Variants in PLCH2 observed in about 807,000 individuals in gnomAD.
The protein encoded by PLCH2 is phospholipase C eta 2.
PLCH2 carries 98 observed loss-of-function variants against 134.7 expected under a neutral mutation model. The ratio of observed to expected loss-of-function variants is 0.73; its 90% CI spans 0.62 to 0.86. The LOEUF is 0.86. Ranked by LOEUF, PLCH2 falls within the 40% of genes least tolerant of loss-of-function variation. PLCH2 has a pLI of 0.00. For missense variants in PLCH2, 1,994 were observed against 1,986.6 expected (o/e 1.00, Z -0.07); for synonymous variants, 974 against 827.5 (o/e 1.18, Z -3.04).
Position 2,477,901 on chromosome 1 carries a change from G to C in PLCH2, c.125-575G>C, listed in dbSNP as rs144283296. 6.6e-3 allele frequency among the ~76,000 whole-genome samples: 1,007 copies of C among 152,318 alleles called. 2 individuals are homozygous for C. Among genetic ancestry groups the C allele is most frequent in the Non-Finnish European group, 7.9e-3 (539 of 68,012 alleles). ...GGCACAGGCACTCAGGAATTCGACC[G>C]CTCCCAGGAGCCACCTGTGGCCAGG... On this transcript the variant is annotated intron_variant, in intron 1 of 21. Coordinates refer to ENST00000378486, the MANE Select transcript of PLCH2 (RefSeq NM_014638.4).
chr1:2,434,410 G>C (rs902593673), intron 2 of PLCH2, among the ~76,000 whole-genome samples: 1 of 152,240 alleles, frequency 6.6e-6, no homozygotes, highest in Non-Finnish European at 1.5e-5. Flanking sequence ...TGGCAGGGGC[G>C]TATTTCCCCC....
In PLCH2 at chr1:2,504,336, C is replaced by T. The variant is rs751882251; in HGVS notation, c.3374C>T (p.Thr1125Met). Residue 1125 changes from threonine (T) to methionine (M), a missense_variant, in exon 22 of 22, where the codon ACG (threonine) becomes ATG (methionine). This residue lies in a region of PLCH2 where 900 missense variants were observed against 752.3 expected (regional missense o/e 1.20). Transcript: ENST00000378486. Reference protein sequence around the residue: ...FPAPAVYSDATGSDPLWQRLE... With the variant: ...FPAPAVYSDAMGSDPLWQRLE... ...GCTCCTGCCGTGTACTCCGATGCCA[C>T]GGGCAGTGACCCGCTGTGGCAGCGG... The T allele has an allele frequency of 5.6e-6, 9 of 1,610,534 alleles. No individual in the cohort carries two copies. The highest frequency in any genetic ancestry group is 2.2e-5 in the East Asian group (1 of 44,864).
upstream of PLCH2, among the ~76,000 whole-genome samples, chr1:2,471,984 C>T (rs1641346889): frequency 6.6e-6 from 1 of 152,182 alleles, no homozygotes; most frequent in South Asian, 2.1e-4. Flanking sequence ...CTGCGGTGCC[C>T]TCCAGGTGTG....
At chr1:2,496,493 G>C (rs759010196) in intron 13 of PLCH2, 114 bp from the exon 14 acceptor site, 7 of 845,932 alleles carry the variant, frequency 8.3e-6, no homozygotes, top group Non-Finnish European at 9.6e-6. Context: ...CTGATGGTTC[G>C]GGGCCTGCTG....
Position 2,504,264 on chromosome 1 carries a change from C to G in PLCH2, c.3302C>G (p.Pro1101Arg). Residue 1101 changes from proline to arginine, a missense_variant, in exon 22 of 22, where the codon CCC (proline) becomes CGC (arginine). Around this residue, in one of 2 missense-constraint regions of PLCH2, gnomAD observed 900 missense variants for 752.3 expected, o/e 1.20. Transcript: ENST00000378486. ...AGGGTGAAGAGTGAGGGGCAGGTGC[C>G]CACGGAGCCCCTGGGAGGGTGGCGG... ...IRRVKSEGQV[P>R]TEPLGGWRPL... 1 of 1,592,384 alleles carries G rather than the reference C, an allele frequency of 6.3e-7. No homozygotes were observed. The highest frequency in any genetic ancestry group is 8.5e-7 in the Non-Finnish European group (1 of 1,171,370).
At position 2,484,332 on chromosome 1, in the gene PLCH2, G is replaced by A. The variant is rs1037636574; in HGVS notation, c.646-116G>A. ...AGGCCGTGACAAGGGCAGTGGAGTA[G>A]AGGAGGGTGGGCTTGCATGTTGGTC... On this transcript the variant is annotated intron_variant, in intron 4 of 21. Coordinates refer to ENST00000378486, the MANE Select transcript of PLCH2 (RefSeq NM_014638.4). The A allele has an allele frequency of 6.2e-6, 6 of 971,232 alleles. No individual in the cohort carries two copies. The South Asian group carries it at 9.5e-5, about 15-fold the overall frequency. 60.2% of individuals were successfully genotyped at this position (971,232 alleles called of 1,614,324 possible).
upstream of PLCH2, among the ~76,000 whole-genome samples, chr1:2,466,886 G>T (rs1463065500): frequency 6.6e-6 from 1 of 152,178 alleles, no homozygotes; most frequent in Non-Finnish European, 1.5e-5. Context: ...GGGTGTAGCA[G>T]CACGCAGGGC....
At chr1:2,479,639 G>T in intron 2 of PLCH2, 95 bp from the exon 3 acceptor site, 1 of 1,336,234 alleles carries the variant, frequency 7.5e-7, no homozygotes. Flanking sequence ...TGGGCAAGGA[G>T]CTCCCGGCTG....
At chr1:2,477,269 C>A (rs1331698741) in intron 1 of PLCH2, among the ~76,000 whole-genome samples, 1 of 152,140 alleles carries the variant, frequency 6.6e-6, no homozygotes, top group East Asian at 1.9e-4. Flanking sequence ...CCGCCCCCTG[C>A]CCCTGTGTCC....
chr1:2,441,480 C>T (rs1433752347), intron 2 of PLCH2, among the ~76,000 whole-genome samples: 1 of 152,170 alleles, frequency 6.6e-6, no homozygotes, highest in African/African-American at 2.4e-5. Context: ...TCATTTATTC[C>T]TCCTGCACGT....
At chr1:2,486,645 C>T (rs1642301613) in intron 5 of PLCH2, among the ~76,000 whole-genome samples, 3 of 152,260 alleles carry the variant, frequency 2.0e-5, no homozygotes, top group African/African-American at 7.2e-5. Flanking sequence ...CTCTGGGCCA[C>T]AGGTCTCGCA....
Position 2,495,473 on chromosome 1 carries a change from C to T in PLCH2, c.1753-15C>T, listed in dbSNP as rs1436727215. The T allele has an allele frequency of 8.4e-6, 13 of 1,550,620 alleles. No individual in the cohort carries two copies. The highest frequency in any genetic ancestry group is 2.4e-5 in the South Asian group (2 of 84,050). ...GCCAGAGGCCCTACAGCTCACACCT[C>T]TGCCCCCCGCACAGAAGAAGGGCAG... On this transcript the variant is annotated splice_polypyrimidine_tract_variant and intron_variant, in intron 12 of 21. Transcript: ENST00000378486.
Position 2,476,711 on chromosome 1 carries a change from G to A in PLCH2, c.123G>A (p.Leu41=), listed in dbSNP as rs1241969278. The A allele has an allele frequency of 6.2e-7, 1 of 1,604,936 alleles. No homozygotes were observed. Among genetic ancestry groups the A allele is most frequent in the Non-Finnish European group, 8.5e-7 (1 of 1,176,828 alleles). ...CTTCAGAGTGGCAGCTCGGCCCCCTGGGTAAGAAGGGGCAGGCGAGTGGCC... is the reference window on the plus strand; with the variant it reads ...CTTCAGAGTGGCAGCTCGGCCCCCTAGGTAAGAAGGGGCAGGCGAGTGGCC... The part of the protein sequence containing the change: ...VLSSEWQLGP[L]VERCMGAMQE... The change falls in exon 1 of 22, where the codon CTG becomes CTA. Residue 41 remains leucine, a splice_region_variant and synonymous_variant. Transcript: ENST00000378486.
At chr1:2,452,419 C>T (rs760606884) in intron 2 of PLCH2, among the ~76,000 whole-genome samples, 2 of 152,160 alleles carry the variant, frequency 1.3e-5, no homozygotes, top group African/African-American at 2.4e-5. Flanking sequence ...GGATGGGAGC[C>T]CTTGATCCTG....
At chr1:2,461,187 C>G (rs1190149439) in intron 2 of PLCH2, among the ~76,000 whole-genome samples, 1 of 152,234 alleles carries the variant, frequency 6.6e-6, no homozygotes, top group Non-Finnish European at 1.5e-5. Flanking sequence ...CTCTGCATGG[C>G]TGCTGCATGC....
upstream of PLCH2, among the ~76,000 whole-genome samples, chr1:2,464,504 C>T (rs564067067): frequency 6.6e-6 from 1 of 152,352 alleles, no homozygotes; most frequent in South Asian, 2.1e-4. Context: ...CTGGCCGTGT[C>T]TTCCTGAACC....
intron 2 of PLCH2, among the ~76,000 whole-genome samples, chr1:2,433,849 G>A (rs757619650): frequency 6.6e-6 from 1 of 152,172 alleles, no homozygotes; most frequent in African/African-American, 2.4e-5. Flanking sequence ...CAGAGCCATC[G>A]ACTCCCTCCA....
Position 2,479,806 on chromosome 1 carries a change from G to A in PLCH2, c.344G>A (p.Ser115Asn), listed in dbSNP as rs41315664. Residue 115 changes from serine (S) to asparagine (N), a missense_variant, in exon 3 of 22, where the codon AGC becomes AAC. Ser to Asn is a conservative substitution (Grantham distance 46, BLOSUM62 1). Around this residue, in one of 2 missense-constraint regions of PLCH2, gnomAD observed 1,094 missense variants for 1,234.3 expected, o/e 0.89. Coordinates refer to ENST00000378486, the MANE Select transcript of PLCH2 (RefSeq NM_014638.4). ...GTCTTCCAGCGCTACCCTGACGGCA[G>A]CTTCGACCCCAACTGCTGCTTCAGC... ...SEVFQRYPDGSFDPNCCFSIY... is the reference protein window; with the variant it reads ...SEVFQRYPDGNFDPNCCFSIY... The A allele has an allele frequency of 6.0e-3, 9,535 of 1,593,720 alleles. 38 individuals carry two copies. The highest frequency in any genetic ancestry group is 7.1e-3 in the Non-Finnish European group (8,340 of 1,171,096).
intron 4 of PLCH2, 90 bp from the exon 5 acceptor site, chr1:2,484,358 T>C: frequency 1.5e-6 from 2 of 1,319,254 alleles, no homozygotes; most frequent in Non-Finnish European, 2.1e-6. Context: ...CATGTTGGTC[T>C]TGACTGGGGA....
Sources: gnomAD v4.1 joint callset for allele counts (sites outside exome capture counted in the v4.1 genomes callset) on GRCh38, gnomAD v4.1.1 for gene constraint, gnomAD v4.1.1 regional missense constraint, MANE v1.5 for transcripts, NCBI Gene and HGNC (gene_info 2026-07-23, HGNC 2026-07-21) for gene names.